Variants in STK33 observed in about 807,000 individuals in gnomAD.
STK33 encodes serine/threonine kinase 33.
In STK33, 52 loss-of-function variants were observed where a neutral mutation model predicts 58.0. The observed-to-expected ratio is 0.90, with a 90% CI of 0.72 to 1.13. STK33 has a LOEUF of 1.13. Ranked by LOEUF, STK33 falls within the 50% of genes most tolerant of loss-of-function variation. STK33 has a pLI of 0.00. For synonymous variants in STK33, 215 were observed against 200.1 expected (o/e 1.07, Z -0.63); for missense variants, 630 against 604.2 (o/e 1.04, Z -0.45).
intron 1 of STK33, among the ~76,000 whole-genome samples, chr11:8,492,072 A>G (rs1950661147): frequency 6.6e-6 from 1 of 152,234 alleles, no homozygotes; most frequent in Non-Finnish European, 1.5e-5. Flanking sequence ...TCATAATGAC[A>G]GGATCTAATT....
chr11:8,420,174 T>C (rs1444328176), intron 14 of STK33, among the ~76,000 whole-genome samples: 1 of 152,134 alleles, frequency 6.6e-6, no homozygotes, highest in Non-Finnish European at 1.5e-5. Context: ...AAAGACATGA[T>C]GTAAGTTTTA....
At chr11:8,348,495 GC>G in the STK33 span, among the ~76,000 whole-genome samples, 3 of 152,152 alleles carry the variant, frequency 2.0e-5, no homozygotes, top group Non-Finnish European at 4.4e-5. Context: ...GAGGGTAACT[GC>G]CCCCATGATT....
Position 8,452,925 on chromosome 11 carries a change from G to C in STK33, c.787-19C>G. The C allele has an allele frequency of 6.2e-7, 1 of 1,606,844 alleles. No homozygotes were observed. Among genetic ancestry groups the C allele is most frequent in the Non-Finnish European group, 8.5e-7 (1 of 1,173,566 alleles). On this transcript the variant is annotated intron_variant, in intron 10 of 15. Coordinates refer to ENST00000687296, the MANE Select transcript of STK33 (RefSeq NM_001352389.2). The stretch of plus-strand genomic sequence containing the variant: ...CAGTCACCTGGGAGAAGAAATTCAA[G>C]CACAGTCACCTGTTTTCCTGTCCTA...
At chr11:8,414,825 GA>G (rs1347319640) in intron 14 of STK33, among the ~76,000 whole-genome samples, 1 of 152,102 alleles carries the variant, frequency 6.6e-6, no homozygotes, top group Non-Finnish European at 1.5e-5. Flanking sequence ...CTTACTCCTA[GA>G]ATGCCATTGC....
At chr11:8,356,334 G>A in the STK33 span, among the ~76,000 whole-genome samples, 1 of 152,144 alleles carries the variant, frequency 6.6e-6, no homozygotes, top group Admixed American at 6.5e-5. Flanking sequence ...GGTGGCACTG[G>A]GCCTTAGGGG....
chr11:8,371,637 T>C, the STK33 span, among the ~76,000 whole-genome samples: 2 of 150,540 alleles, frequency 1.3e-5, no homozygotes, highest in African/African-American at 4.9e-5. Flanking sequence ...TCCTTCCTTC[T>C]TTCTTCCTTT....
intron 15 of STK33, among the ~76,000 whole-genome samples, chr11:8,394,130 C>T (rs1386519971): frequency 6.6e-6 from 1 of 152,028 alleles, no homozygotes; most frequent in Middle Eastern, 3.2e-3. Context: ...TCTGTGTGTT[C>T]TTTTAAGAGG....
intron 13 of STK33, 42 bp from the exon 14 acceptor site, chr11:8,435,621 C>A: frequency 1.7e-6 from 2 of 1,184,032 alleles, no homozygotes; most frequent in South Asian, 1.9e-5. Flanking sequence ...TATTTAACTA[C>A]AATTAATAGC....
At chr11:8,510,450 TTG>T (rs1565227503) in intron 1 of STK33, among the ~76,000 whole-genome samples, 1 of 152,200 alleles carries the variant, frequency 6.6e-6, no homozygotes, top group East Asian at 1.9e-4. Flanking sequence ...ACTCTGTGGG[TTG>T]TCTGTTTACT....
intron 1 of STK33, among the ~76,000 whole-genome samples, chr11:8,541,610 T>C (rs1036439917): frequency 2.0e-5 from 3 of 152,212 alleles, no homozygotes; most frequent in Non-Finnish European, 4.4e-5. Context: ...CATATCTTTA[T>C]ATCACTATAT....
chr11:8,529,499 T>C (rs774779941), intron 1 of STK33, among the ~76,000 whole-genome samples: 3 of 152,130 alleles, frequency 2.0e-5, no homozygotes, highest in Non-Finnish European at 2.9e-5. Context: ...GTAGACATAA[T>C]AATGCCTCCC....
chr11:8,544,175 G>A (rs1472862519), intron 1 of STK33, among the ~76,000 whole-genome samples: 3 of 151,482 alleles, frequency 2.0e-5, no homozygotes, highest in East Asian at 1.9e-4. Flanking sequence ...CCCATCCCCC[G>A]ACAGGCACGG....
At chr11:8,359,024 G>T in the STK33 span, among the ~76,000 whole-genome samples, 1 of 152,122 alleles carries the variant, frequency 6.6e-6, no homozygotes, top group Non-Finnish European at 1.5e-5. Flanking sequence ...CACAGCCTGC[G>T]TTGACCCTTG....
the STK33 span, among the ~76,000 whole-genome samples, chr11:8,337,408 G>A: frequency 6.6e-5 from 10 of 152,164 alleles, no homozygotes; most frequent in African/African-American, 2.4e-4. Flanking sequence ...CCTTCCCTGT[G>A]GGGCTGAGGA....
intron 1 of STK33, among the ~76,000 whole-genome samples, chr11:8,519,528 CTTCAAAAAA>C (rs1273328603): frequency 2.0e-5 from 3 of 152,138 alleles, no homozygotes; most frequent in Non-Finnish European, 4.4e-5. Context: ...ACAAAAAACC[CTTCAAAAAA>C]ATCAATGAAT....
At chr11:8,483,393 C>T (rs1008115688) in intron 1 of STK33, among the ~76,000 whole-genome samples, 1 of 151,988 alleles carries the variant, frequency 6.6e-6, no homozygotes, top group Non-Finnish European at 1.5e-5. Flanking sequence ...AGAAAAGATT[C>T]GGGTTAAATA....
chr11:8,432,045 T>TA (rs1410067340), intron 14 of STK33, among the ~76,000 whole-genome samples: 2 of 152,224 alleles, frequency 1.3e-5, no homozygotes, highest in African/African-American at 4.8e-5. Flanking sequence ...GACCACGTCT[T>TA]ACGTGGCTTT....
chr11:8,537,000 T>G (rs547287987), intron 1 of STK33, among the ~76,000 whole-genome samples: 2 of 126,182 alleles, frequency 1.6e-5, no homozygotes, highest in South Asian at 5.4e-4. Flanking sequence ...TTTTTTTTTG[T>G]GACAGAGTTT....
intron 1 of STK33, among the ~76,000 whole-genome samples, chr11:8,497,867 T>C (rs1442259975): frequency 2.0e-5 from 3 of 152,174 alleles, no homozygotes; most frequent in Non-Finnish European, 2.9e-5. Flanking sequence ...CTGAGGTCAG[T>C]ACTACAGTGA....
Sources: allele counts gnomAD v4.1 joint callset (sites outside exome capture counted in the v4.1 genomes callset), GRCh38; gene constraint gnomAD v4.1.1; transcripts MANE v1.5; gene names NCBI Gene and HGNC (gene_info 2026-07-23, HGNC 2026-07-21).